The following SNX1 variants were observed in gnomAD, a reference collection of about 807,000 sequenced individuals.
The protein encoded by SNX1 is sorting nexin-1.
In SNX1, 36 loss-of-function variants were observed where a neutral mutation model predicts 71.8. The ratio of observed to expected loss-of-function variants is 0.50; its 90% CI spans 0.38 to 0.66. The LOEUF (loss-of-function observed/expected upper bound fraction) is 0.66, where lower values mean the gene tolerates loss of function less well. Among genes scored for constraint, SNX1 ranks in the 30% least tolerant of loss-of-function variants. SNX1 has a pLI of 0.00. For missense variants in SNX1, 612 were observed against 646.7 expected (o/e 0.95, Z 0.58); for synonymous variants, 254 against 240.7 (o/e 1.06, Z -0.51).
chr15:64,123,614 C>G (rs147315585), intron 5 of SNX1, 68 bp downstream of exon 5: 15,518 of 1,275,828 alleles, frequency 0.012, 136 homozygotes, highest in Non-Finnish European at 0.014. Flanking sequence ...GGTCATCATT[C>G]AGATTATTTC....
chr15:64,131,461 GAA>G (rs1476255235), intron 10 of SNX1, among the ~76,000 whole-genome samples: 3 of 152,186 alleles, frequency 2.0e-5, no homozygotes, highest in African/African-American at 7.2e-5. Flanking sequence ...CTAACCCAGT[GAA>G]ACTCAGGACA....
rs544328349 is a variant in SNX1, at chr15:64,114,668, G to T, written c.271+1984G>T. 5.3e-5 allele frequency among the ~76,000 whole-genome samples: 8 copies of T among 152,278 alleles called. No individual in the cohort carries two copies. The East Asian group carries it at 9.6e-4, about 18-fold the overall frequency. On this transcript the variant is annotated intron_variant, in intron 2 of 14. Transcript: ENST00000559844. Reference sequence around the variant, plus strand: ...AATGGTGAGGAGGGAGAAAGACAAGGGTGGAGGGTAAGATCTTGGGACGAC... The same window carrying T: ...AATGGTGAGGAGGGAGAAAGACAAGTGTGGAGGGTAAGATCTTGGGACGAC...
At chr15:64,125,534 A>G (rs996197247) in intron 5 of SNX1, among the ~76,000 whole-genome samples, 3 of 151,202 alleles carry the variant, frequency 2.0e-5, no homozygotes, top group Admixed American at 2.0e-4. Flanking sequence ...ATTCCTAGCT[A>G]CTTGGGAGGC....
At chr15:64,106,569 A>G (rs1189657434) in intron 1 of SNX1, among the ~76,000 whole-genome samples, 1 of 152,122 alleles carries the variant, frequency 6.6e-6, no homozygotes, top group East Asian at 1.9e-4. Context: ...GGCAAGGGGG[A>G]GTTAAGGTTG....
chr15:64,103,045 G>T (rs1036834572), intron 1 of SNX1, among the ~76,000 whole-genome samples: 1 of 152,104 alleles, frequency 6.6e-6, no homozygotes, highest in African/African-American at 2.4e-5. Flanking sequence ...GGGATTACAG[G>T]TGTGAGCCAC....
intron 1 of SNX1, among the ~76,000 whole-genome samples, chr15:64,104,562 T>TGCGACCG (rs1473988739): frequency 1.3e-5 from 2 of 148,852 alleles, no homozygotes; most frequent in Non-Finnish European, 3.0e-5. Flanking sequence ...CGTGAGCCAC[T>TGCGACCG]GCGCCCGGCC....
At chr15:64,107,916 G>A (rs750782552) in intron 1 of SNX1, among the ~76,000 whole-genome samples, 10 of 152,230 alleles carry the variant, frequency 6.6e-5, no homozygotes, top group South Asian at 2.1e-4. Context: ...GTTATTGGCC[G>A]GGCGCAGTGG....
rs2081428930 is a variant in SNX1 at position 64,142,884 on chromosome 15, C to G, written c.*5266C>G. ...CCAGAAGATTTTCATTCTGAATGCTCCTGTAGCTAGGAACCCTAAAAAGTC... is the reference window on the plus strand; with the variant it reads ...CCAGAAGATTTTCATTCTGAATGCTGCTGTAGCTAGGAACCCTAAAAAGTC... On this transcript the variant is annotated 3_prime_UTR_variant, in exon 15 of 15. Coordinates refer to ENST00000559844, the MANE Select transcript of SNX1 (RefSeq NM_003099.5). The G allele has an allele frequency of 3.3e-6, 1 of 302,672 alleles. No individual in the cohort carries two copies. The highest frequency in any genetic ancestry group is 9.3e-5 in the East Asian group (1 of 10,796). The allele number at this position is 302,672 out of a possible 1,614,324, so 18.7% of individuals were successfully genotyped here. A position where few individuals can be genotyped will look rare whatever the true frequency, so the allele number is the denominator to read the frequency against.
chr15:64,123,527 C>A lies in SNX1; in HGVS notation c.491C>A (p.Ala164Asp). The A allele has an allele frequency of 6.2e-7, 1 of 1,613,898 alleles. No individual in the cohort carries two copies. Among genetic ancestry groups the A allele is most frequent in the Non-Finnish European group, 8.5e-7 (1 of 1,179,824 alleles). The stretch of plus-strand genomic sequence containing the variant: ...GGGGATGGTATGAATGCATATGTAG[C>A]CTACAAAGTTACAACACAGGTGAGT... ...KIGDGMNAYV[A>D]YKVTTQTSLP... The change falls in exon 5 of 15, where the codon GCC becomes GAC. Residue 164 changes from alanine to aspartate, a missense_variant. Ala to Asp is a moderately radical substitution (Grantham distance 126, BLOSUM62 -2). Around this residue, in one of 2 missense-constraint regions of SNX1, gnomAD observed 316 missense variants for 284.9 expected, o/e 1.11. Transcript: ENST00000559844.
rs1217892793 is a variant in SNX1 at position 64,143,537 on chromosome 15, C to T, written c.*5919C>T. 6.6e-6 allele frequency: 1 copy of T among 152,222 alleles called. No individual in the cohort carries two copies. Among genetic ancestry groups the T allele is most frequent in the East Asian group, 1.9e-4 (1 of 5,202 alleles). 9.4% of individuals were successfully genotyped at this position (152,222 alleles called of 1,614,324 possible). A position where few individuals can be genotyped will look rare whatever the true frequency, so the allele number is the denominator to read the frequency against. The stretch of plus-strand genomic sequence containing the variant: ...CTGTGAAAGGACCCAGCTCACCTTT[C>T]CCTCTTTATCTCCCAGTCCTTCCCA... On this transcript the variant is annotated 3_prime_UTR_variant, in exon 15 of 15. Transcript: ENST00000559844.
At chr15:64,101,580 TCTC>T (rs1401030311) in intron 1 of SNX1, among the ~76,000 whole-genome samples, 5 of 152,238 alleles carry the variant, frequency 3.3e-5, no homozygotes, top group Admixed American at 2.6e-4. Flanking sequence ...TGTGCAAACA[TCTC>T]CTCAAAATCC....
At chr15:64,107,577 A>G (rs1177178683) in intron 1 of SNX1, among the ~76,000 whole-genome samples, 1 of 152,208 alleles carries the variant, frequency 6.6e-6, no homozygotes, top group African/African-American at 2.4e-5. Flanking sequence ...ACACCTTTCT[A>G]GTACCTCTCT....
rs1395211347 is a variant in SNX1 at position 64,134,373 on chromosome 15, T to A, written c.1222-291T>A. 1.2e-5 allele frequency: 4 copies of A among 342,338 alleles called. No individual in the cohort carries two copies. The South Asian group carries it at 2.2e-4, about 19-fold the overall frequency. The allele number at this position is 342,338 out of a possible 1,614,324, so 21.2% of individuals were successfully genotyped here. A position where few individuals can be genotyped will look rare whatever the true frequency, so the allele number is the denominator to read the frequency against. ...GACTGATCTGAGGGAGGCACTTCTG[T>A]AAGCCATAGTATTGGTCACTGGCAT... On this transcript the variant is annotated intron_variant, in intron 11 of 14. Coordinates refer to ENST00000559844, the MANE Select transcript of SNX1 (RefSeq NM_003099.5). The surrounding 1 kb of genome is among the most constrained non-coding windows in gnomAD (Gnocchi z 4.1).
At position 64,137,841 on chromosome 15, in the gene SNX1, AC is replaced by A; in HGVS notation, c.*225del. On this transcript the variant is annotated 3_prime_UTR_variant, in exon 15 of 15. Transcript: ENST00000559844. ...AATAGTTTCCTGCTTTAAGCAAAAG[AC>A]CTACAATAGGTGGTGGAATTATGGG... The A allele has an allele frequency of 7.1e-7, 1 of 1,414,844 alleles. No individual in the cohort carries two copies. The highest frequency in any genetic ancestry group is 1.7e-5 in the South Asian group (1 of 60,120). 87.6% of individuals were successfully genotyped at this position (1,414,844 alleles called of 1,614,324 possible). A position where few individuals can be genotyped will look rare whatever the true frequency, so the allele number is the denominator to read the frequency against.
chr15:64,115,848 T>G (rs1037140117), intron 2 of SNX1: 1 of 169,552 alleles, frequency 5.9e-6, no homozygotes, highest in African/African-American at 2.4e-5. Flanking sequence ...TGAGTGATAC[T>G]TCCTGTTTCA....
Position 64,136,370 on chromosome 15 carries a change from G to A in SNX1, c.1406G>A (p.Arg469Lys). The part of the protein sequence containing the change: ...RVTQYERDFE[R>K]ISTVVRKEVI... ...ACTCAATATGAAAGGGACTTCGAGAGGATTTCAACAGTGGTCCGAAAAGAA... is the reference window on the plus strand; with the variant it reads ...ACTCAATATGAAAGGGACTTCGAGAAGATTTCAACAGTGGTCCGAAAAGAA... The change falls in exon 13 of 15, where the codon AGG becomes AAG. Residue 469 changes from arginine (R) to lysine (K), a missense_variant. This residue lies in a region of SNX1 where 296 missense variants were observed against 361.9 expected (regional missense o/e 0.82). Transcript: ENST00000559844. 6.2e-7 allele frequency: 1 copy of A among 1,614,128 alleles called. No individual in the cohort carries two copies.
At position 64,138,125 on chromosome 15, in the gene SNX1, C is replaced by T; in HGVS notation, c.*507C>T. The T allele has an allele frequency of 2.0e-6, 3 of 1,535,788 alleles. No individual in the cohort carries two copies. Among genetic ancestry groups the T allele is most frequent in the Non-Finnish European group, 2.6e-6 (3 of 1,146,894 alleles). On this transcript the variant is annotated 3_prime_UTR_variant, in exon 15 of 15. Transcript: ENST00000559844. ...ATAGTAAGTTTTTCTCTACCGTTCA[C>T]AAGTTTTGTGCTGCTGCTTCCCTCT...
At chr15:64,115,396 A>G (rs1334587501) in intron 2 of SNX1, among the ~76,000 whole-genome samples, 7 of 152,026 alleles carry the variant, frequency 4.6e-5, no homozygotes, top group Non-Finnish European at 2.9e-5. Context: ...AAACGTTCTG[A>G]TATCATTTTT....
chr15:64,117,773 CAG>C, intron 2 of SNX1, among the ~76,000 whole-genome samples: 1 of 152,128 alleles, frequency 6.6e-6, no homozygotes, highest in East Asian at 1.9e-4. Flanking sequence ...ACCTGGGTGA[CAG>C]AGTGACACTC....
Sources: gnomAD v4.1 joint callset for allele counts (sites outside exome capture counted in the v4.1 genomes callset) on GRCh38, gnomAD v4.1.1 for gene constraint, gnomAD v4.1.1 regional missense constraint, Gnocchi (gnomAD v3.1) non-coding constraint, MANE v1.5 for transcripts, NCBI Gene and HGNC (gene_info 2026-07-23, HGNC 2026-07-21) for gene names.